GOLM2: variants seen among roughly 807,000 people sequenced by gnomAD.
The protein encoded by GOLM2 is golgi membrane protein 2.
In GOLM2, 26 loss-of-function variants were observed where a neutral mutation model predicts 55.9. The ratio of observed to expected loss-of-function variants is 0.47; its 90% CI spans 0.34 to 0.65. GOLM2 has a LOEUF of 0.65. Among genes scored for constraint, GOLM2 ranks in the 30% least tolerant of loss-of-function variants. The pLI, the probability that GOLM2 is intolerant of heterozygous loss-of-function variation, is 0.01. For missense variants in GOLM2, 486 were observed against 531.8 expected, an observed-to-expected ratio of 0.91 and a Z score of 0.85; for synonymous variants, 165 against 194.6, an observed-to-expected ratio of 0.85 and a Z score of 1.27.
rs932518171 is a variant in GOLM2, at chr15:44,288,767, G to T, written c.-263G>T. ...TGGGTTTGGGGGACGCTGGCAGCTG[G>T]GTTCTCCCGGTTCCCTTGGGCAGGT... On this transcript the variant is annotated 5_prime_UTR_variant, in exon 1 of 10. Transcript: ENST00000299957. 4.0e-6 allele frequency: 2 copies of T among 500,604 alleles called. No homozygotes were observed. Among genetic ancestry groups the T allele is most frequent in the Non-Finnish European group, 3.5e-6 (1 of 284,496 alleles). 31.0% of individuals were successfully genotyped at this position (500,604 alleles called of 1,614,324 possible). A position where few individuals can be genotyped will look rare whatever the true frequency, so the allele number is the denominator to read the frequency against.
intron 6 of GOLM2, among the ~76,000 whole-genome samples, chr15:44,359,127 G>A (rs144855482): frequency 0.011 from 1,726 of 151,958 alleles, 41 homozygotes; most frequent in African/African-American, 0.04. Context: ...TCCAGCCTGG[G>A]TGACAGAGCG....
At chr15:44,336,138 A>G (rs919397646) in intron 4 of GOLM2, among the ~76,000 whole-genome samples, 2 of 138,084 alleles carry the variant, frequency 1.4e-5, no homozygotes, top group Non-Finnish European at 3.1e-5. Context: ...TTTCTATTTA[A>G]TGGAGTGTTG....
intron 1 of GOLM2, 28 bp from the exon 2 acceptor site, chr15:44,322,937 G>A (rs2078960729): frequency 6.7e-7 from 1 of 1,496,262 alleles, no homozygotes; most frequent in Non-Finnish European, 9.1e-7. Flanking sequence ...ATATTTTTTA[G>A]TAAAATGAGA....
intron 6 of GOLM2, among the ~76,000 whole-genome samples, chr15:44,346,957 A>G (rs1036499636): frequency 6.6e-6 from 1 of 151,700 alleles, no homozygotes; most frequent in Non-Finnish European, 1.5e-5. Context: ...AAGACCTCAT[A>G]TCTTAGGAAA....
chr15:44,318,013 T>G (rs1341779957), intron 1 of GOLM2, among the ~76,000 whole-genome samples: 2 of 152,242 alleles, frequency 1.3e-5, no homozygotes, highest in East Asian at 3.8e-4. Context: ...GAAAAGACCT[T>G]TTCTGTAAAA....
intron 6 of GOLM2, among the ~76,000 whole-genome samples, chr15:44,341,385 C>T (rs1595635840): frequency 6.6e-6 from 1 of 151,560 alleles, no homozygotes; most frequent in Non-Finnish European, 1.5e-5. Flanking sequence ...TGGCATATTT[C>T]CACATACTTT....
intron 6 of GOLM2, among the ~76,000 whole-genome samples, chr15:44,354,478 AT>A (rs1381215118): frequency 6.6e-6 from 1 of 151,976 alleles, no homozygotes; most frequent in African/African-American, 2.4e-5. Flanking sequence ...AATAAATAAA[AT>A]AAAATAAAAT....
In GOLM2 at chr15:44,352,711, G is replaced by A. The variant is rs571612072; in HGVS notation, c.802+14394G>A. Among the ~76,000 whole-genome samples the A allele has an allele frequency of 2.6e-5, 4 of 152,120 alleles. No individual in the cohort carries two copies. In the South Asian group the frequency reaches 8.3e-4, roughly 32 times the overall value. On this transcript the variant is annotated intron_variant, in intron 6 of 9. Coordinates refer to ENST00000299957, the MANE Select transcript of GOLM2 (RefSeq NM_138423.4). ...ACCTGAGGTCAGAAGTTCGAGACCA[G>A]CCTGGCCAACATGGTGAAACCCCGT...
rs201644309 is a variant in GOLM2 at position 44,342,242 on chromosome 15, G to GT, written c.802+3936dup. 7.4e-3 allele frequency among the ~76,000 whole-genome samples: 1,081 copies of GT among 145,258 alleles called. 25 individuals carry two copies. In the East Asian group the frequency reaches 0.09, roughly 12 times the overall value. On this transcript the variant is annotated intron_variant, in intron 6 of 9. Transcript: ENST00000299957. ...CATATTAAAGGCCTTCCTCTGGATT[G>GT]TTTTTTTTTTTACTTTTATTTTTAT...
At chr15:44,413,100 CTGTT>C (rs144112970) in intron 9 of GOLM2, among the ~76,000 whole-genome samples, 1,565 of 151,900 alleles carry the variant, frequency 0.01, 35 homozygotes, top group African/African-American at 0.036. Context: ...GGCTCTATTT[CTGTT>C]TGTCTGTCAT....
chr15:44,404,647 G>A (rs1269854584), intron 9 of GOLM2, among the ~76,000 whole-genome samples: 2 of 151,730 alleles, frequency 1.3e-5, no homozygotes, highest in Non-Finnish European at 2.9e-5. Flanking sequence ...TTTCATGCAT[G>A]TATATCATAT....
At chr15:44,293,947 A>G (rs1314691347) in intron 1 of GOLM2, among the ~76,000 whole-genome samples, 3 of 152,146 alleles carry the variant, frequency 2.0e-5, no homozygotes, top group African/African-American at 4.8e-5. Context: ...TATTAACTTA[A>G]TAATTTACTT....
intron 9 of GOLM2, among the ~76,000 whole-genome samples, chr15:44,405,908 C>T (rs919148354): frequency 6.6e-6 from 1 of 152,116 alleles, no homozygotes; most frequent in Non-Finnish European, 1.5e-5. Flanking sequence ...AGGCATGAGC[C>T]ACCACACCTG....
At chr15:44,373,036 A>C (rs539570657) in intron 6 of GOLM2, among the ~76,000 whole-genome samples, 10 of 152,364 alleles carry the variant, frequency 6.6e-5, no homozygotes, top group African/African-American at 2.2e-4. Context: ...TTATACACAG[A>C]ACTCTGACAT....
chr15:44,415,323 GA>G lies in GOLM2; in HGVS notation c.*1919del, dbSNP rs1478810527. The G allele has an allele frequency of 6.6e-6, 1 of 152,526 alleles. No individual in the cohort carries two copies. Among genetic ancestry groups the G allele is most frequent in the East Asian group, 1.9e-4 (1 of 5,196 alleles). The allele number at this position is 152,526 out of a possible 1,614,324, so 9.4% of individuals were successfully genotyped here. ...TTCGGGGGCATTAGGGTAGGGAGAT[GA>G]ATCAAAAAATACCCCTAGTAATGCT... On this transcript the variant is annotated 3_prime_UTR_variant, in exon 10 of 10. Transcript: ENST00000299957.
At chr15:44,331,074 G>C (rs1452777124) in intron 3 of GOLM2, among the ~76,000 whole-genome samples, 1 of 152,078 alleles carries the variant, frequency 6.6e-6, no homozygotes, top group African/African-American at 2.4e-5. Context: ...GAGTGCAGTG[G>C]CACAATCTCA....
chr15:44,334,010 C>T (rs555833125), intron 4 of GOLM2, among the ~76,000 whole-genome samples: 59 of 152,268 alleles, frequency 3.9e-4, no homozygotes, highest in Admixed American at 1.2e-3. Context: ...GCACCACGCC[C>T]GGCCGCTCTC....
chr15:44,343,678 A>T (rs1253418180), intron 6 of GOLM2, among the ~76,000 whole-genome samples: 1 of 151,404 alleles, frequency 6.6e-6, no homozygotes, highest in Non-Finnish European at 1.5e-5. Flanking sequence ...ATACAAAATT[A>T]GCTGGGCATG....
rs117600460 is a variant in GOLM2 at position 44,368,610 on chromosome 15, T to A, written c.803-11080T>A. On this transcript the variant is annotated intron_variant, in intron 6 of 9. Coordinates refer to ENST00000299957, the MANE Select transcript of GOLM2 (RefSeq NM_138423.4). ...TTCACTTTAGATGTCGTACTTTCAA[T>A]TCCAGAATTTCCATTTGGTTCTTTT... is the stretch of plus-strand genomic sequence containing the variant. Among the ~76,000 whole-genome samples, 667 of 152,138 alleles carry A rather than the reference T, an allele frequency of 4.4e-3. 20 individuals carry two copies. In the East Asian group the frequency reaches 0.044, roughly 10 times the overall value.
Sources: allele counts gnomAD v4.1 joint callset (sites outside exome capture counted in the v4.1 genomes callset), GRCh38; gene constraint gnomAD v4.1.1; transcripts MANE v1.5; gene names NCBI Gene and HGNC (gene_info 2026-07-23, HGNC 2026-07-21).